The following FRMPD4 variants were observed in gnomAD, a reference collection of about 807,000 sequenced individuals.
FRMPD4 encodes FERM and PDZ domain containing 4, also known as FERM and PDZ domain-containing protein 4.
A neutral mutation model predicts 94.1 loss-of-function variants in FRMPD4; 22 were observed. The ratio of observed to expected loss-of-function variants is 0.23; its 90% CI spans 0.17 to 0.33. FRMPD4 has a LOEUF of 0.33. FRMPD4 is among the 10% of genes least tolerant of loss of function. The probability of loss-of-function intolerance (pLI) is 1.00; values close to 1 mark genes in which losing one functional copy is unlikely to be tolerated. For synonymous variants in FRMPD4, 631 were observed against 548.6 expected, an observed-to-expected ratio of 1.15 and a Z score of -2.10; for missense variants, 1,111 against 1,339.9, an observed-to-expected ratio of 0.83 and a Z score of 2.67.
intron 1 of FRMPD4, among the ~76,000 whole-genome samples, chrX:12,299,412 C>T (rs2054824408): frequency 9.1e-6 from 1 of 110,470 alleles, no homozygotes; most frequent in Non-Finnish European, 1.9e-5. Context: ...TATTAGTTAA[C>T]CTATAAAATT....
At chrX:11,825,953 G>A (rs1386493706) in intron 1 of FRMPD4, among the ~76,000 whole-genome samples, 1 of 111,987 alleles carries the variant, frequency 8.9e-6, no homozygotes, top group Non-Finnish European at 1.9e-5. Flanking sequence ...TAATAGAGAC[G>A]TGTACCATAA....
At chrX:11,917,876 C>T (rs1487409815) in intron 3 of FRMPD4, among the ~76,000 whole-genome samples, 1 of 105,740 alleles carries the variant, frequency 9.5e-6, no homozygotes, top group East Asian at 3.1e-4. Flanking sequence ...GCACATGTAC[C>T]CCGTGAATCT....
intron 3 of FRMPD4, among the ~76,000 whole-genome samples, chrX:12,056,249 G>A (rs1367828905): frequency 9.0e-6 from 1 of 111,681 alleles, no homozygotes; most frequent in Non-Finnish European, 1.9e-5. Flanking sequence ...TGTATACATG[G>A]GAGCCCATAG....
chrX:12,528,609 C>T (rs187338510), intron 2 of FRMPD4, among the ~76,000 whole-genome samples: 1 of 111,657 alleles, frequency 9.0e-6, no homozygotes, highest in East Asian at 2.8e-4. Flanking sequence ...TGAGCCACTG[C>T]ACCCCTGGCC....
chrX:12,130,877 C>T (rs986213002), intron 3 of FRMPD4, among the ~76,000 whole-genome samples: 7 of 111,972 alleles, frequency 6.3e-5, no homozygotes, highest in African/African-American at 2.3e-4. Flanking sequence ...AAATATGTCT[C>T]AGACAAATAT....
intron 3 of FRMPD4, among the ~76,000 whole-genome samples, chrX:12,076,773 A>G (rs2055022661): frequency 9.0e-6 from 1 of 110,843 alleles, no homozygotes; most frequent in Admixed American, 9.6e-5. Context: ...TTTTGCTTCT[A>G]GGAATTCCTT....
chrX:12,438,072 CA>C (rs2057090582), intron 1 of FRMPD4, among the ~76,000 whole-genome samples: 1 of 111,460 alleles, frequency 9.0e-6, no homozygotes, highest in South Asian at 3.8e-4. Context: ...TGTGATTTTG[CA>C]GCCCTAAAAA....
chrX:11,827,445 G>C (rs1433073138), intron 1 of FRMPD4, among the ~76,000 whole-genome samples: 1 of 110,795 alleles, frequency 9.0e-6, no homozygotes, highest in African/African-American at 3.3e-5. Flanking sequence ...TGGGGACATG[G>C]GACTGAAAGA....
At chrX:12,562,575 T>A (rs1271745793) in intron 2 of FRMPD4, among the ~76,000 whole-genome samples, 2 of 112,564 alleles carry the variant, frequency 1.8e-5, no homozygotes, top group Non-Finnish European at 3.7e-5. Flanking sequence ...TATGATTAAT[T>A]CTTTCATTGT....
At chrX:11,830,138 GA>G (rs1324193336) in intron 1 of FRMPD4, among the ~76,000 whole-genome samples, 2 of 111,643 alleles carry the variant, frequency 1.8e-5, no homozygotes, top group Non-Finnish European at 3.8e-5. Context: ...TTGACTAATG[GA>G]GGTCTTGATC....
intron 3 of FRMPD4, among the ~76,000 whole-genome samples, chrX:11,959,728 T>C (rs961094355): frequency 1.8e-5 from 2 of 111,167 alleles, no homozygotes; most frequent in African/African-American, 6.5e-5. Flanking sequence ...TGGTAGTTAG[T>C]GAAGGGTGGT....
chrX:12,299,189 A>C (rs757586022), intron 1 of FRMPD4, among the ~76,000 whole-genome samples: 2 of 111,306 alleles, frequency 1.8e-5, no homozygotes, highest in Admixed American at 1.9e-4. Context: ...TAAGTTTGGC[A>C]AAATTGCATC....
intron 1 of FRMPD4, among the ~76,000 whole-genome samples, chrX:11,826,612 C>A (rs1389857502): frequency 8.9e-6 from 1 of 111,822 alleles, no homozygotes; most frequent in African/African-American, 3.3e-5. Flanking sequence ...AGTCAAGTTC[C>A]TAAAGACTTG....
At chrX:12,434,288 T>A (rs2057040220) in intron 1 of FRMPD4, among the ~76,000 whole-genome samples, 1 of 112,362 alleles carries the variant, frequency 8.9e-6, no homozygotes, top group African/African-American at 3.2e-5. Context: ...ATTACAAGTT[T>A]CCTAAGTTAA....
At chrX:11,869,050 C>T (rs1273343493) in intron 2 of FRMPD4, among the ~76,000 whole-genome samples, 1 of 111,678 alleles carries the variant, frequency 9.0e-6, no homozygotes, top group African/African-American at 3.3e-5. Context: ...TTAATGGTGT[C>T]TGAGATCCTT....
chrX:11,963,358 T>C (rs1227660509), intron 3 of FRMPD4, among the ~76,000 whole-genome samples: 1 of 112,173 alleles, frequency 8.9e-6, no homozygotes, highest in Non-Finnish European at 1.9e-5. Context: ...TTTTATCTTA[T>C]ATGGCATAGA....
intron 1 of FRMPD4, among the ~76,000 whole-genome samples, chrX:12,390,732 G>T (rs984695907): frequency 1.8e-5 from 2 of 111,872 alleles, no homozygotes; most frequent in Non-Finnish European, 3.8e-5. Flanking sequence ...TCTGTACTGT[G>T]ATGAGTCACT....
chrX:12,703,479 CT>C (rs1212380247), intron 10 of FRMPD4, among the ~76,000 whole-genome samples: 1 of 111,559 alleles, frequency 9.0e-6, no homozygotes, highest in Non-Finnish European at 1.9e-5. Context: ...GGTAGGTTGT[CT>C]TCCTACCCTT....
At chrX:12,093,645 C>G (rs2147499673) in intron 3 of FRMPD4, among the ~76,000 whole-genome samples, 1 of 109,075 alleles carries the variant, frequency 9.2e-6, no homozygotes, top group African/African-American at 3.3e-5. Context: ...CACCAGTCTG[C>G]CAGATGAGCA....
Sources: allele counts gnomAD v4.1 joint callset (sites outside exome capture counted in the v4.1 genomes callset), GRCh38; gene constraint gnomAD v4.1.1; transcripts MANE v1.5; gene names NCBI Gene and HGNC (gene_info 2026-07-23, HGNC 2026-07-21).